ZBTB40: variants seen among roughly 807,000 people sequenced by gnomAD.
ZBTB40 encodes zinc finger and BTB domain containing 40, also known as zinc finger and BTB domain-containing protein 40.
ZBTB40 carries 60 observed loss-of-function variants against 117.5 expected under a neutral mutation model. The observed-to-expected ratio is 0.51, with a 90% CI of 0.41 to 0.63. The LOEUF (loss-of-function observed/expected upper bound fraction) is 0.63, where lower values mean the gene tolerates loss of function less well. ZBTB40 is among the 30% of genes least tolerant of loss of function. The probability of loss-of-function intolerance (pLI) is 0.00; values close to 1 mark genes in which losing one functional copy is unlikely to be tolerated. For missense variants in ZBTB40, 1,287 were observed against 1,498.5 expected (o/e 0.86, Z 2.33); for synonymous variants, 525 against 577.1 (o/e 0.91, Z 1.29).
intron 1 of ZBTB40, among the ~76,000 whole-genome samples, chr1:22,472,260 T>C (rs1244887835): frequency 7.9e-5 from 12 of 151,444 alleles, no homozygotes; most frequent in Non-Finnish European, 1.5e-4. Context: ...CATGGCTCAC[T>C]GAAGCCTCAA....
At chr1:22,508,894 T>TA (rs1218318485) in intron 8 of ZBTB40, among the ~76,000 whole-genome samples, 163 bp downstream of exon 8, 1 of 152,190 alleles carries the variant, frequency 6.6e-6, no homozygotes, top group African/African-American at 2.4e-5. Context: ...GTAAACCTTT[T>TA]AAAAAATAGA....
Position 22,502,305 on chromosome 1 carries a change from C to T in ZBTB40, c.1031C>T (p.Thr344Ile). The T allele has an allele frequency of 2.5e-6, 4 of 1,613,522 alleles. No homozygotes were observed. The highest frequency in any genetic ancestry group is 3.4e-6 in the Non-Finnish European group (4 of 1,179,648). ...DVDTVQPKGS[T>I]EEGKTLSVLL... Reference sequence around the variant, plus strand: ...CTAACTCTTTCTCCCCCAGGGAGCACAGAGGAGGGAAAGACCTTGTCTGTT... The same window carrying T: ...CTAACTCTTTCTCCCCCAGGGAGCATAGAGGAGGGAAAGACCTTGTCTGTT... Residue 344 changes from threonine to isoleucine, a missense_variant, in exon 5 of 18, where the codon ACA (threonine) becomes ATA (isoleucine). Around this residue, in one of 2 missense-constraint regions of ZBTB40, gnomAD observed 870 missense variants for 934.4 expected, o/e 0.93. Transcript: ENST00000375647.
chr1:22,476,512 G>C (rs150431065), intron 1 of ZBTB40, among the ~76,000 whole-genome samples: 1 of 152,268 alleles, frequency 6.6e-6, no homozygotes, highest in South Asian at 2.1e-4. Flanking sequence ...GAGCCACCAC[G>C]CCCAGCCCTC....
intron 3 of ZBTB40, 142 bp from the exon 4 acceptor site, chr1:22,501,350 T>A (rs758401778): frequency 3.5e-6 from 3 of 857,214 alleles, no homozygotes; most frequent in Non-Finnish European, 5.7e-6. Context: ...GAACTGCTGC[T>A]GGGGAAGAAA....
chr1:22,499,248 A>C (rs1343620686), intron 3 of ZBTB40, among the ~76,000 whole-genome samples: 1 of 152,234 alleles, frequency 6.6e-6, no homozygotes, highest in Non-Finnish European at 1.5e-5. Flanking sequence ...GCAGCTCACA[A>C]CATGGCAGCT....
At chr1:22,475,430 A>G (rs983427275) in intron 1 of ZBTB40, among the ~76,000 whole-genome samples, 5 of 152,212 alleles carry the variant, frequency 3.3e-5, no homozygotes, top group African/African-American at 1.2e-4. Flanking sequence ...GTTACTTATC[A>G]GGTGCCTTTC....
intron 1 of ZBTB40, among the ~76,000 whole-genome samples, chr1:22,487,673 C>G (rs556958566): frequency 2.0e-5 from 3 of 152,040 alleles, no homozygotes; most frequent in Non-Finnish European, 4.4e-5. Context: ...TTCTCCTGAT[C>G]TCCTGCAATA....
At chr1:22,498,797 A>AC (rs1254780516) in intron 3 of ZBTB40, among the ~76,000 whole-genome samples, 3 of 151,768 alleles carry the variant, frequency 2.0e-5, no homozygotes, top group African/African-American at 7.3e-5. Flanking sequence ...GAAAAAAAAA[A>AC]AAGCCTGGCC....
At chr1:22,456,358 T>C (rs1442328723) in intron 1 of ZBTB40, among the ~76,000 whole-genome samples, 1 of 152,200 alleles carries the variant, frequency 6.6e-6, no homozygotes, top group Non-Finnish European at 1.5e-5. Context: ...CTCAAAATTA[T>C]GATGCCACGT....
rs376111688 is a variant in ZBTB40 at position 22,521,476 on chromosome 1, A to G, written c.3049-20A>G. On this transcript the variant is annotated intron_variant, in intron 14 of 17. Coordinates refer to ENST00000375647, the MANE Select transcript of ZBTB40 (RefSeq NM_014870.4). ...TTGCTGGAACTTTCTAAGACCTAACACTTGCCAAATTCCTTGCAGCAATTG... is the reference window on the plus strand; with the variant it reads ...TTGCTGGAACTTTCTAAGACCTAACGCTTGCCAAATTCCTTGCAGCAATTG... The G allele has an allele frequency of 5.6e-6, 9 of 1,613,994 alleles. No homozygotes were observed. The African/African-American group carries it at 1.1e-4, about 19-fold the overall frequency.
chr1:22,469,040 G>A (rs1641336606), intron 1 of ZBTB40, among the ~76,000 whole-genome samples: 1 of 151,902 alleles, frequency 6.6e-6, no homozygotes, highest in African/African-American at 2.4e-5. Context: ...TGTTGCCCAG[G>A]CTAGTCTTGA....
chr1:22,442,882 C>T (rs74060233), intron 1 of ZBTB40, among the ~76,000 whole-genome samples: 9,452 of 152,134 alleles, frequency 0.062, 467 homozygotes, highest in African/African-American at 0.13. Context: ...CCTTCAATTC[C>T]GTCCATTTTT....
intron 1 of ZBTB40, among the ~76,000 whole-genome samples, chr1:22,472,148 A>T (rs1353372677): frequency 6.6e-6 from 1 of 150,622 alleles, no homozygotes; most frequent in Non-Finnish European, 1.5e-5. Flanking sequence ...GGCCCTCGAG[A>T]TTGTACTAGA....
intron 1 of ZBTB40, among the ~76,000 whole-genome samples, chr1:22,431,512 G>C (rs917707843): frequency 9.3e-5 from 14 of 151,312 alleles, no homozygotes; most frequent in Non-Finnish European, 1.5e-4. Context: ...ACCAAGGGGG[G>C]TGGGTCACCT....
At chr1:22,458,611 G>A (rs1424051789) in intron 1 of ZBTB40, among the ~76,000 whole-genome samples, 1 of 152,208 alleles carries the variant, frequency 6.6e-6, no homozygotes, top group African/African-American at 2.4e-5. Context: ...TGCTACTTGA[G>A]ATGTGTAGTC....
At position 22,512,960 on chromosome 1, in the gene ZBTB40, A is replaced by C; in HGVS notation, c.2498A>C (p.Glu833Ala). Residue 833 changes from glutamate (E) to alanine (A), a missense_variant, in exon 12 of 18, where the codon GAG (glutamate) becomes GCG (alanine). Glu to Ala is a moderately radical substitution (Grantham distance 107, BLOSUM62 -1). Transcript: ENST00000375647. ...CATAAGCTGACAGAGCACTTCGATG[A>C]GAAGCCTTTCTCCTGTGAAGAGTGT... The part of the protein sequence containing the change: ...QYHKLTEHFD[E>A]KPFSCEECGA... 6.2e-7 allele frequency: 1 copy of C among 1,614,226 alleles called. No homozygotes were observed. Among genetic ancestry groups the C allele is most frequent in the Non-Finnish European group, 8.5e-7 (1 of 1,180,042 alleles).
chr1:22,448,449 CTTTCT>C (rs774540306), upstream of ZBTB40, among the ~76,000 whole-genome samples: 1 of 152,124 alleles, frequency 6.6e-6, no homozygotes, highest in Non-Finnish European at 1.5e-5. Flanking sequence ...CTGTTTTACT[CTTTCT>C]TTTGTGTTTT....
intron 1 of ZBTB40, among the ~76,000 whole-genome samples, chr1:22,467,779 T>G (rs1641292008): frequency 1.3e-5 from 1 of 79,386 alleles, no homozygotes; most frequent in Non-Finnish European, 3.7e-5. Flanking sequence ...CAGGCCTGTT[T>G]TTTTTTTTTT....
At chr1:22,508,838 T>C in intron 8 of ZBTB40, 107 bp downstream of exon 8, 1 of 1,231,436 alleles carries the variant, frequency 8.1e-7, no homozygotes, top group Non-Finnish European at 1.1e-6. Context: ...ACATCCCTAC[T>C]ATTAGAAGTA....
Sources: gnomAD v4.1 joint callset for allele counts (sites outside exome capture counted in the v4.1 genomes callset) on GRCh38, gnomAD v4.1.1 for gene constraint, gnomAD v4.1.1 regional missense constraint, MANE v1.5 for transcripts, NCBI Gene and HGNC (gene_info 2026-07-23, HGNC 2026-07-21) for gene names.